The following GOLGA4 variants were observed in gnomAD, a reference collection of about 807,000 sequenced individuals.
The protein encoded by GOLGA4 is golgin A4, also known as golgin subfamily A member 4.
A neutral mutation model predicts 265.9 loss-of-function variants in GOLGA4; 169 were observed. The observed-to-expected ratio is 0.64, with a 90% confidence interval of 0.56 to 0.72. The LOEUF (loss-of-function observed/expected upper bound fraction) is 0.72. Among genes scored for constraint, GOLGA4 ranks in the 30% least tolerant of loss-of-function variants. The pLI, the probability that GOLGA4 is intolerant of heterozygous loss-of-function variation, is 0.00. For synonymous variants in GOLGA4, 923 were observed against 855.8 expected (o/e 1.08, Z -1.37); for missense variants, 2,482 against 2,483.4 (o/e 1.00, Z 0.01).
chr3:37,321,946 T>C, intron 13 of GOLGA4, 60 bp downstream of exon 13: 1 of 1,369,504 alleles, frequency 7.3e-7, no homozygotes, highest in South Asian at 1.3e-5. Flanking sequence ...TGAAAATTTG[T>C]TGTCTCTAGT....
At chr3:37,254,740 G>A (rs370043925) in intron 2 of GOLGA4, among the ~76,000 whole-genome samples, 64 of 151,278 alleles carry the variant, frequency 4.2e-4, no homozygotes, top group African/African-American at 1.2e-3. Context: ...TTGACTTCGC[G>A]ATCTGCCTGC....
chr3:37,281,846 G>A lies in GOLGA4; in HGVS notation c.163-112G>A, dbSNP rs969056110. On this transcript the variant is annotated intron_variant, in intron 2 of 23. Coordinates refer to ENST00000361924, the MANE Select transcript of GOLGA4 (RefSeq NM_002078.5). Reference sequence around the variant, plus strand: ...AACAATGTATTATGTAAAATGTCAGGAATATAAATTCAACTTGTTAGAACT... The same window carrying A: ...AACAATGTATTATGTAAAATGTCAGAAATATAAATTCAACTTGTTAGAACT... 3.9e-6 allele frequency: 3 copies of A among 775,330 alleles called. No individual in the cohort carries two copies. The African/African-American group carries it at 5.2e-5, about 13-fold the overall frequency. The allele number at this position is 775,330 out of a possible 1,614,324, so 48.0% of individuals were successfully genotyped here.
chr3:37,308,878 G>T (rs138767793), intron 10 of GOLGA4, among the ~76,000 whole-genome samples: 5,864 of 151,868 alleles, frequency 0.039, 143 homozygotes, highest in African/African-American at 0.056. Context: ...CCTCCCAAAG[G>T]GCTGGGATTT....
At position 37,282,036 on chromosome 3, in the gene GOLGA4, A is replaced by G; in HGVS notation, c.241A>G (p.Lys81Glu). The G allele has an allele frequency of 1.2e-6, 2 of 1,613,974 alleles. No homozygotes were observed. The highest frequency in any genetic ancestry group is 1.7e-6 in the Non-Finnish European group (2 of 1,179,882). The change falls in exon 3 of 24, where the codon AAG (lysine) becomes GAG (glutamate). Residue 81 changes from lysine to glutamate, a missense_variant. Around this residue, in one of 3 missense-constraint regions of GOLGA4, gnomAD observed 1,536 missense variants for 1,483.7 expected, o/e 1.04. Coordinates refer to ENST00000361924, the MANE Select transcript of GOLGA4 (RefSeq NM_002078.5). ...GGAGTCTTTGTTTCGAAGTCCGATA[A>G]AGGAATCTCTATTCCGGTCTTCTTC... ...SVESLFRSPIKESLFRSSSKE... is the reference protein window; with the variant it reads ...SVESLFRSPIEESLFRSSSKE...
At position 37,326,520 on chromosome 3, in the gene GOLGA4, A is replaced by G. The variant is rs749086919; in HGVS notation, c.4634A>G (p.Asn1545Ser). The G allele has an allele frequency of 1.7e-5, 27 of 1,606,866 alleles. 1 individual carries two copies. In the South Asian group the frequency reaches 2.6e-4, roughly 15 times the overall value. ...TQKTIEIESL[N>S]EVLKNYNQQK... ...AAAACTATTGAAATAGAGTCCTTAA[A>G]TGAAGTTCTTAAAAATTACAATCAA... The change falls in exon 14 of 24, where the codon AAT (asparagine) becomes AGT (serine). Residue 1545 changes from asparagine (N) to serine (S), a missense_variant. Coordinates refer to ENST00000361924, the MANE Select transcript of GOLGA4 (RefSeq NM_002078.5).
intron 10 of GOLGA4, among the ~76,000 whole-genome samples, chr3:37,309,909 G>C: frequency 6.6e-6 from 1 of 152,264 alleles, no homozygotes. Context: ...AACTGCTGCT[G>C]TAGACTTTGA....
chr3:37,323,739 G>A lies in GOLGA4; in HGVS notation c.1853G>A (p.Ser618Asn), dbSNP rs2096961746. 6.2e-7 allele frequency: 1 copy of A among 1,613,828 alleles called. No homozygotes were observed. The highest frequency in any genetic ancestry group is 2.2e-5 in the East Asian group (1 of 44,858). Residue 618 changes from serine to asparagine, a missense_variant, in exon 14 of 24, where the codon AGC becomes AAC. By Grantham distance (46) the Ser-to-Asn change is conservative. Coordinates refer to ENST00000361924, the MANE Select transcript of GOLGA4 (RefSeq NM_002078.5). ...GAAAAACACAAGACAGAATTGGAAAGCCTTAAGCATCAGCAGGATGCCCTT... is the reference window on the plus strand; with the variant it reads ...GAAAAACACAAGACAGAATTGGAAAACCTTAAGCATCAGCAGGATGCCCTT... ...MVEKHKTELE[S>N]LKHQQDALWT...
intron 7 of GOLGA4, among the ~76,000 whole-genome samples, chr3:37,296,997 C>T (rs9883275): frequency 0.014 from 2,100 of 152,274 alleles, 46 homozygotes; most frequent in African/African-American, 0.048. Flanking sequence ...ATGAACAGGT[C>T]AGTTCTGCTT....
chr3:37,261,509 G>A (rs1192248808), intron 2 of GOLGA4, among the ~76,000 whole-genome samples: 1 of 152,208 alleles, frequency 6.6e-6, no homozygotes, highest in African/African-American at 2.4e-5. Context: ...AAAATGATTT[G>A]AGTAACTGCA....
At chr3:37,313,040 T>G (rs1311115872) in intron 10 of GOLGA4, among the ~76,000 whole-genome samples, 1 of 152,070 alleles carries the variant, frequency 6.6e-6, no homozygotes, top group Non-Finnish European at 1.5e-5. Context: ...CTGTCTCTAC[T>G]AAAAATACAG....
intron 10 of GOLGA4, among the ~76,000 whole-genome samples, chr3:37,309,681 G>T (rs891273356): frequency 3.3e-5 from 5 of 152,174 alleles, no homozygotes; most frequent in African/African-American, 9.7e-5. Flanking sequence ...GTGAAGAATG[G>T]CCTTGTTTTA....
intron 21 of GOLGA4, among the ~76,000 whole-genome samples, chr3:37,350,532 A>T (rs1418556885): frequency 6.6e-6 from 1 of 152,074 alleles, no homozygotes; most frequent in East Asian, 1.9e-4. Flanking sequence ...TGGTACTTAT[A>T]AAAAAACCTT....
chr3:37,329,131 T>C, intron 16 of GOLGA4, 38 bp downstream of exon 16: 1 of 1,524,590 alleles, frequency 6.6e-7, no homozygotes, highest in African/African-American at 1.4e-5. Context: ...TTTTGAAATT[T>C]AGCTGTAATA....
intron 23 of GOLGA4, among the ~76,000 whole-genome samples, chr3:37,364,209 G>A (rs1696568383): frequency 6.6e-6 from 1 of 151,984 alleles, no homozygotes; most frequent in African/African-American, 2.4e-5. Flanking sequence ...ATATCTTGAT[G>A]TGACTACTGG....
intron 22 of GOLGA4, among the ~76,000 whole-genome samples, 185 bp from the exon 23 acceptor site, chr3:37,361,058 C>G (rs1696218955): frequency 6.6e-6 from 1 of 151,994 alleles, no homozygotes; most frequent in African/African-American, 2.4e-5. Flanking sequence ...TTATATTTAC[C>G]TAGGATATGG....
chr3:37,300,806 G>C (rs912973852), intron 9 of GOLGA4, among the ~76,000 whole-genome samples: 4 of 151,946 alleles, frequency 2.6e-5, no homozygotes, highest in African/African-American at 9.7e-5. Flanking sequence ...CTGCTATCTA[G>C]TCAGTTTCAG....
At chr3:37,277,501 A>G (rs556859804) in intron 2 of GOLGA4, among the ~76,000 whole-genome samples, 10 of 152,348 alleles carry the variant, frequency 6.6e-5, no homozygotes, top group Admixed American at 5.2e-4. Context: ...TGATTCGGAA[A>G]TCTATACTGA....
chr3:37,305,282 CT>C (rs1465832069), intron 10 of GOLGA4, among the ~76,000 whole-genome samples: 2 of 152,076 alleles, frequency 1.3e-5, no homozygotes, highest in African/African-American at 4.8e-5. Flanking sequence ...GTTGTAAGTG[CT>C]TTTATAGATT....
chr3:37,243,784 T>C, intron 1 of GOLGA4, 162 bp downstream of exon 1: 2 of 614,076 alleles, frequency 3.3e-6, no homozygotes, highest in East Asian at 5.6e-5. Context: ...GCGGTGCAGG[T>C]CGTCCGTAAC....
Sources: allele counts gnomAD v4.1 joint callset (sites outside exome capture counted in the v4.1 genomes callset), GRCh38; gene constraint gnomAD v4.1.1; regional missense constraint gnomAD v4.1.1; transcripts MANE v1.5; gene names NCBI Gene and HGNC (gene_info 2026-07-23, HGNC 2026-07-21).